RIMS1: variants seen among roughly 807,000 people sequenced by gnomAD.
RIMS1 encodes regulating synaptic membrane exocytosis 1.
A neutral mutation model predicts 214.1 loss-of-function variants in RIMS1; 83 were observed. The ratio of observed to expected loss-of-function variants is 0.39; its 90% confidence interval spans 0.32 to 0.47. The LOEUF is 0.47. RIMS1 is among the 20% of genes least tolerant of loss of function. RIMS1 has a pLI of 0.99. For synonymous variants in RIMS1, 793 were observed against 786.8 expected, an observed-to-expected ratio of 1.01 and a Z score of -0.13; for missense variants, 2,050 against 2,161.8, an observed-to-expected ratio of 0.95 and a Z score of 1.03.
intron 6 of RIMS1, among the ~76,000 whole-genome samples, chr6:72,218,107 C>CCT (rs1554284894): frequency 1.9e-4 from 27 of 145,008 alleles, no homozygotes; most frequent in Non-Finnish European, 3.9e-4. Flanking sequence ...GGTTTTTTTG[C>CCT]TTTTTTTTTT....
At chr6:72,328,931 C>T (rs1419591230) in intron 28 of RIMS1, among the ~76,000 whole-genome samples, 1 of 151,732 alleles carries the variant, frequency 6.6e-6, no homozygotes, top group African/African-American at 2.4e-5. Context: ...AGGTAGATTC[C>T]CTATTGTTAC....
At chr6:72,305,275 A>G (rs569667644) in intron 26 of RIMS1, among the ~76,000 whole-genome samples, 1 of 152,184 alleles carries the variant, frequency 6.6e-6, no homozygotes, top group South Asian at 2.1e-4. Context: ...TGTCTAAGTA[A>G]CCATCTACCC....
intron 26 of RIMS1, among the ~76,000 whole-genome samples, chr6:72,293,577 A>G (rs1009782092): frequency 6.6e-6 from 1 of 151,924 alleles, no homozygotes; most frequent in African/African-American, 2.4e-5. Context: ...TGATATTCTA[A>G]AAGTCATGTG....
At chr6:72,197,024 A>G (rs755808350) in intron 6 of RIMS1, among the ~76,000 whole-genome samples, 2 of 152,072 alleles carry the variant, frequency 1.3e-5, no homozygotes, top group Non-Finnish European at 2.9e-5. Flanking sequence ...CCCAAGATTT[A>G]AATCCTAGGT....
rs1028295829 is a variant in RIMS1, at chr6:72,154,086, GA to G, written c.472-25480del. ...TAGCAGAGTGCTTGATTCCTGGAAA[GA>G]AAAAAAAATACACACACGCACGCAC... is the stretch of plus-strand genomic sequence containing the variant. On this transcript the variant is annotated intron_variant, in intron 4 of 33. Coordinates refer to ENST00000521978, the MANE Select transcript of RIMS1 (RefSeq NM_014989.7). 4.0e-5 allele frequency among the ~76,000 whole-genome samples: 6 copies of G among 150,196 alleles called. No individual in the cohort carries two copies. The East Asian group carries it at 5.8e-4, about 15-fold the overall frequency.
intron 1 of RIMS1, among the ~76,000 whole-genome samples, chr6:71,937,918 T>C (rs1784947055): frequency 6.6e-6 from 1 of 152,168 alleles, no homozygotes. Flanking sequence ...CAGCTTCAAC[T>C]CTAAAGTCCA....
At chr6:72,173,883 A>G (rs1158999246) in intron 4 of RIMS1, among the ~76,000 whole-genome samples, 1 of 152,130 alleles carries the variant, frequency 6.6e-6, no homozygotes, top group Admixed American at 6.5e-5. Flanking sequence ...TAGGATGGAG[A>G]AAACCTACCT....
chr6:71,978,003 G>A (rs1797584458), intron 2 of RIMS1, among the ~76,000 whole-genome samples: 1 of 152,142 alleles, frequency 6.6e-6, no homozygotes, highest in Non-Finnish European at 1.5e-5. Flanking sequence ...AAAATATAAT[G>A]GTGGTCTGGA....
intron 12 of RIMS1, among the ~76,000 whole-genome samples, chr6:72,249,914 A>G (rs1208862618): frequency 6.6e-6 from 1 of 151,960 alleles, no homozygotes; most frequent in Non-Finnish European, 1.5e-5. Context: ...GTTTTTTTTA[A>G]TTTTAACTAC....
intron 29 of RIMS1, among the ~76,000 whole-genome samples, chr6:72,340,449 A>G (rs1179402473): frequency 1.3e-5 from 2 of 152,022 alleles, no homozygotes; most frequent in Admixed American, 6.6e-5. Context: ...TCCATCTTGA[A>G]TTAATTTTTA....
At chr6:72,144,868 G>GT (rs1170324048) in intron 4 of RIMS1, among the ~76,000 whole-genome samples, 6 of 149,892 alleles carry the variant, frequency 4.0e-5, no homozygotes, top group East Asian at 2.0e-4. Context: ...GTATGATAAG[G>GT]ATTTTTTTTC....
In RIMS1 at chr6:72,401,222, G is replaced by GT. The variant is rs201958591; in HGVS notation, c.*517dup. On this transcript the variant is annotated 3_prime_UTR_variant, in exon 34 of 34. Transcript: ENST00000521978. Reference sequence around the variant, plus strand: ...TTCACCACATCTGTTATTTCCACTAGTTTTTTTTTGGCTGTGTCATGACAG... The same window carrying GT: ...TTCACCACATCTGTTATTTCCACTAGTTTTTTTTTTGGCTGTGTCATGACAG... The GT allele has an allele frequency of 2.2e-3, 335 of 152,210 alleles. 2 individuals are homozygous for GT. The highest frequency in any genetic ancestry group is 0.013 in the Admixed American group (199 of 15,286). 9.4% of individuals were successfully genotyped at this position (152,210 alleles called of 1,614,324 possible).
intron 2 of RIMS1, among the ~76,000 whole-genome samples, chr6:71,998,651 G>A (rs1483557263): frequency 6.6e-6 from 1 of 152,136 alleles, no homozygotes; most frequent in Non-Finnish European, 1.5e-5. Context: ...TTTGTCATAT[G>A]TCTATCTGCA....
chr6:71,971,354 A>G (rs1477776509), intron 2 of RIMS1, among the ~76,000 whole-genome samples: 6 of 152,214 alleles, frequency 3.9e-5, no homozygotes, highest in Admixed American at 3.9e-4. Flanking sequence ...TAAGGTCTCA[A>G]CTTAGAGGAA....
intron 2 of RIMS1, among the ~76,000 whole-genome samples, chr6:72,021,445 A>G (rs1040819947): frequency 1.3e-5 from 2 of 152,154 alleles, no homozygotes; most frequent in Non-Finnish European, 2.9e-5. Context: ...ACTATTTTCC[A>G]TATGCTTGGA....
In RIMS1 at chr6:72,208,103, C is replaced by CA. The variant is rs779046167; in HGVS notation, c.1678+24955dup. ...CATCTTTATACAAGACCAGGACACTCAGAGTGCTTTCTCCGTAATGAAAGA... is the reference window on the plus strand; with the variant it reads ...CATCTTTATACAAGACCAGGACACTCAAGAGTGCTTTCTCCGTAATGAAAGA... On this transcript the variant is annotated intron_variant, in intron 6 of 33. Coordinates refer to ENST00000521978, the MANE Select transcript of RIMS1 (RefSeq NM_014989.7). Among the ~76,000 whole-genome samples, 8 of 152,286 alleles carry CA rather than the reference C, an allele frequency of 5.3e-5. No homozygotes were observed. The East Asian group carries it at 1.5e-3, about 29-fold the overall frequency.
chr6:71,888,634 C>T (rs1768600947), intron 1 of RIMS1, among the ~76,000 whole-genome samples: 1 of 151,194 alleles, frequency 6.6e-6, no homozygotes. Flanking sequence ...GCAACTGACA[C>T]TCAGATAGGG....
At chr6:72,090,894 G>A (rs1443611768) in intron 2 of RIMS1, among the ~76,000 whole-genome samples, 2 of 152,048 alleles carry the variant, frequency 1.3e-5, no homozygotes, top group Non-Finnish European at 2.9e-5. Flanking sequence ...GTGTTTTTTG[G>A]AGGCTCTTAA....
chr6:71,943,484 C>G (rs1428276082), intron 1 of RIMS1, among the ~76,000 whole-genome samples: 2 of 152,128 alleles, frequency 1.3e-5, no homozygotes, highest in African/African-American at 4.8e-5. Flanking sequence ...GAACCAGTCA[C>G]TCTTTGAGAA....
Sources: gnomAD v4.1 joint callset for allele counts (sites outside exome capture counted in the v4.1 genomes callset) on GRCh38, gnomAD v4.1.1 for gene constraint, MANE v1.5 for transcripts, NCBI Gene and HGNC (gene_info 2026-07-23, HGNC 2026-07-21) for gene names.